Variants in PAX3 observed in about 807,000 individuals in gnomAD.
PAX3 encodes paired box 3.
A neutral mutation model predicts 51.6 loss-of-function variants in PAX3; 14 were observed. That is an observed-to-expected ratio of 0.27 (90% CI 0.18 to 0.42). The LOEUF (loss-of-function observed/expected upper bound fraction) is 0.42, where lower values mean the gene tolerates loss of function less well. Among genes scored for constraint, PAX3 ranks in the 10% least tolerant of loss-of-function variants. PAX3 has a pLI of 1.00. For missense variants in PAX3, 540 were observed against 642.8 expected, an observed-to-expected ratio of 0.84 and a Z score of 1.73; for synonymous variants, 280 against 253.4, an observed-to-expected ratio of 1.11 and a Z score of -1.00.
chr2:222,296,836 A>G (rs534247553), intron 2 of PAX3, 142 bp downstream of exon 2: 183 of 710,118 alleles, frequency 2.6e-4, no homozygotes, highest in Admixed American at 4.5e-4. Context: ...ACACACACAC[A>G]CGCGCGCCTT....
Position 222,293,933 on chromosome 2 carries a change from GT to G in PAX3, c.586+233del, listed in dbSNP as rs10712898. On this transcript the variant is annotated intron_variant, in intron 4 of 8. Coordinates refer to ENST00000392070, the MANE Select transcript of PAX3 (RefSeq NM_181458.4). ...TCTAGAATCCCAGGGGCTGAAAGTG[GT>G]TAAGAAAGAAAGATTTACAAAACAG... 1 allele frequency: 1,538,183 copies of G among 1,538,186 alleles called. 769,090 individuals carry two copies. Among genetic ancestry groups the G allele is most frequent in the Middle Eastern group, 1 (4,236 of 4,236 alleles).
At chr2:222,295,820 G>A (rs558205363) in intron 2 of PAX3, among the ~76,000 whole-genome samples, 163 bp from the exon 3 acceptor site, 53 of 152,282 alleles carry the variant, frequency 3.5e-4, no homozygotes, top group African/African-American at 1.2e-3. Flanking sequence ...CTTTAGAAAG[G>A]GGCAGACCAG....
At chr2:222,210,968 G>T (rs1277407883) in intron 7 of PAX3, among the ~76,000 whole-genome samples, 1 of 152,098 alleles carries the variant, frequency 6.6e-6, no homozygotes. Flanking sequence ...CTGGGCTTAA[G>T]CTGTCCTCTC....
At chr2:222,223,754 T>G (rs1471994338) in intron 5 of PAX3, among the ~76,000 whole-genome samples, 2 of 152,228 alleles carry the variant, frequency 1.3e-5, no homozygotes, top group Non-Finnish European at 2.9e-5. Context: ...CCAAAAGTTT[T>G]GATGTAACTT....
intron 4 of PAX3, among the ~76,000 whole-genome samples, chr2:222,252,457 T>C (rs746498183): frequency 2.6e-5 from 4 of 152,198 alleles, no homozygotes; most frequent in Non-Finnish European, 5.9e-5. Flanking sequence ...AGCTAGTCTG[T>C]AGTGAAGGTA....
chr2:222,240,582 A>T (rs568824003), intron 4 of PAX3, among the ~76,000 whole-genome samples: 6 of 152,336 alleles, frequency 3.9e-5, no homozygotes, highest in African/African-American at 1.4e-4. Context: ...TGGTATGTTT[A>T]TGTAAAACCA....
chr2:222,225,577 C>G (rs183647694), intron 5 of PAX3, among the ~76,000 whole-genome samples: 1 of 152,168 alleles, frequency 6.6e-6, no homozygotes, highest in Admixed American at 6.5e-5. Context: ...GCAATACAGA[C>G]CAGGCAAAAG....
chr2:222,264,275 G>A (rs1203186441), intron 4 of PAX3: 1 of 152,238 alleles, frequency 6.6e-6, no homozygotes, highest in Non-Finnish European at 1.5e-5. Flanking sequence ...ATAATGCTAA[G>A]TGAAAGAAGC....
chr2:222,235,309 A>G (rs948975919), intron 4 of PAX3, among the ~76,000 whole-genome samples: 2 of 152,168 alleles, frequency 1.3e-5, no homozygotes, highest in Non-Finnish European at 2.9e-5. Flanking sequence ...CCCTTAGAAC[A>G]CAGTAGGCAC....
intron 4 of PAX3, among the ~76,000 whole-genome samples, chr2:222,287,845 A>G (rs1262451115): frequency 1.3e-5 from 2 of 152,230 alleles, no homozygotes; most frequent in African/African-American, 2.4e-5. Context: ...ATCTTGCTCA[A>G]GAGTGAACAA....
At position 222,295,567 on chromosome 2, in the gene PAX3, G is replaced by C; in HGVS notation, c.412C>G (p.Leu138Val). ...TTTCGATCACAGACCGCGTCCTTGA[G>C]TAATTTGTCTCGGATTTCCCAGCTG... ...MFSWEIRDKL[L>V]KDAVCDRNTV... Residue 138 changes from leucine (L) to valine (V), a missense_variant, in exon 3 of 9, where the codon CTC (leucine) becomes GTC (valine). Physicochemically the swap from Leu to Val is conservative, Grantham distance 32. Transcript: ENST00000392070. The C allele has an allele frequency of 6.2e-7, 1 of 1,614,216 alleles. No individual in the cohort carries two copies. The highest frequency in any genetic ancestry group is 8.5e-7 in the Non-Finnish European group (1 of 1,180,032).
chr2:222,276,696 A>T (rs1482880488), intron 4 of PAX3, among the ~76,000 whole-genome samples: 1 of 152,248 alleles, frequency 6.6e-6, no homozygotes, highest in East Asian at 1.9e-4. Context: ...TACAAGAAAC[A>T]TCTAGAAAGT....
chr2:222,262,120 T>G (rs759343895), intron 4 of PAX3, among the ~76,000 whole-genome samples: 7 of 152,240 alleles, frequency 4.6e-5, no homozygotes, highest in Non-Finnish European at 8.8e-5. Context: ...GTTTGGCTTC[T>G]TTTGCTCAAC....
chr2:222,242,729 A>G (rs1044783797), intron 4 of PAX3: 13 of 152,208 alleles, frequency 8.5e-5, no homozygotes, highest in Non-Finnish European at 4.4e-5. Context: ...AAGGTGAGTA[A>G]TACTTTCAGT....
chr2:222,258,861 G>T (rs1184087953), intron 4 of PAX3, among the ~76,000 whole-genome samples: 3 of 152,146 alleles, frequency 2.0e-5, no homozygotes, highest in African/African-American at 4.8e-5. Context: ...ACAACAAAAA[G>T]TCTCTTATTG....
rs1359759557 is a variant in PAX3, at chr2:222,204,361, A to G, written c.1174-2171T>C. Among the ~76,000 whole-genome samples, 10 of 152,162 alleles carry G rather than the reference A, an allele frequency of 6.6e-5. No homozygotes were observed. The East Asian group carries it at 7.7e-4, about 12-fold the overall frequency. ...GTTCCTGGATATGTTTTCCATCTAT[A>G]TGGGTTCTTTTTGCCTTTATTTGAG... On this transcript the variant is annotated intron_variant, in intron 7 of 8. Coordinates refer to ENST00000392070, the MANE Select transcript of PAX3 (RefSeq NM_181458.4).
intron 5 of PAX3, among the ~76,000 whole-genome samples, chr2:222,226,149 A>G (rs1008777982): frequency 2.0e-5 from 3 of 152,220 alleles, no homozygotes; most frequent in Non-Finnish European, 4.4e-5. Context: ...AGAGAACATA[A>G]TAGTTAATCC....
intron 7 of PAX3, among the ~76,000 whole-genome samples, chr2:222,205,629 TA>T (rs1691475025): frequency 1.3e-5 from 2 of 152,222 alleles, no homozygotes; most frequent in Non-Finnish European, 2.9e-5. Context: ...TAAATAATTA[TA>T]ATGTGATTTA....
chr2:222,255,917 ATTTTT>A (rs57757180), intron 4 of PAX3, among the ~76,000 whole-genome samples: 13 of 98,334 alleles, frequency 1.3e-4, no homozygotes, highest in African/African-American at 2.9e-4. Context: ...CGCCCAGCTA[ATTTTT>A]TTTTTTTTTT....
Sources: allele counts gnomAD v4.1 joint callset (sites outside exome capture counted in the v4.1 genomes callset), GRCh38; gene constraint gnomAD v4.1.1; transcripts MANE v1.5; gene names NCBI Gene and HGNC (gene_info 2026-07-23, HGNC 2026-07-21).